The following VPS13B variants were observed in gnomAD, a reference collection of about 807,000 sequenced individuals.
VPS13B encodes the protein vacuolar protein sorting 13 homolog B.
In VPS13B, 285 loss-of-function variants were observed where a neutral mutation model predicts 426.4. The ratio of observed to expected loss-of-function variants is 0.67; its 90% CI spans 0.61 to 0.74. VPS13B has a LOEUF of 0.74. Among genes scored for constraint, VPS13B ranks in the 30% least tolerant of loss-of-function variants. VPS13B has a pLI of 0.00. For synonymous variants in VPS13B, 1,676 were observed against 1,676.4 expected (o/e 1.00, Z 0.01); for missense variants, 4,537 against 4,782.6 (o/e 0.95, Z 1.51).
chr8:99,842,824 T>C (rs942140758), intron 54 of VPS13B, among the ~76,000 whole-genome samples: 4 of 152,162 alleles, frequency 2.6e-5, no homozygotes, highest in African/African-American at 7.2e-5. Context: ...TAGAAACCAG[T>C]ATCCAGGCCT....
chr8:99,633,179 G>A (rs1488799676), intron 33 of VPS13B, among the ~76,000 whole-genome samples: 2 of 151,952 alleles, frequency 1.3e-5, no homozygotes, highest in Non-Finnish European at 1.5e-5. Context: ...GTATGATTTA[G>A]GGGATAAAGT....
intron 35 of VPS13B, chr8:99,696,150 T>C: frequency 6.1e-6 from 1 of 164,868 alleles, no homozygotes; most frequent in Non-Finnish European, 1.3e-5. Flanking sequence ...GATTTTATGG[T>C]TGCGGGACCT....
At chr8:99,085,212 C>G (rs1036536438) in intron 3 of VPS13B, among the ~76,000 whole-genome samples, 1 of 152,086 alleles carries the variant, frequency 6.6e-6, no homozygotes, top group Non-Finnish European at 1.5e-5. Flanking sequence ...ATGTAATGGC[C>G]TTCTTTGTCT....
chr8:99,196,108 G>A (rs914677596), intron 17 of VPS13B, among the ~76,000 whole-genome samples: 2 of 152,090 alleles, frequency 1.3e-5, no homozygotes, highest in African/African-American at 4.8e-5. Flanking sequence ...AATTTTGATA[G>A]GGGTCGCATT....
At chr8:99,361,955 C>T (rs911381368) in intron 19 of VPS13B, among the ~76,000 whole-genome samples, 1 of 152,046 alleles carries the variant, frequency 6.6e-6, no homozygotes, top group Non-Finnish European at 1.5e-5. Flanking sequence ...AAGAAATCTG[C>T]AGTGAAGTGA....
intron 12 of VPS13B, among the ~76,000 whole-genome samples, chr8:99,140,377 A>T (rs199535937): frequency 0.15 from 22,285 of 149,518 alleles, 2,172 homozygotes; most frequent in East Asian, 0.36. Flanking sequence ...TCAAAAAAAA[A>T]AAAAAAAAAA....
At chr8:99,705,855 T>C (rs1186840996) in intron 36 of VPS13B, among the ~76,000 whole-genome samples, 2 of 152,144 alleles carry the variant, frequency 1.3e-5, no homozygotes, top group Admixed American at 1.3e-4. Flanking sequence ...TTCTGATGTA[T>C]GTATTTCAAA....
intron 24 of VPS13B, among the ~76,000 whole-genome samples, chr8:99,478,447 G>GTTTTTTTTTTT (rs56261645): frequency 1.7e-4 from 15 of 85,770 alleles, no homozygotes; most frequent in African/African-American, 4.1e-4. Context: ...TTTTTGTTTT[G>GTTTTTTTTTTT]TTTTTTTTTT....
intron 19 of VPS13B, among the ~76,000 whole-genome samples, chr8:99,343,600 A>G (rs1288472360): frequency 6.6e-6 from 1 of 152,186 alleles, no homozygotes; most frequent in East Asian, 1.9e-4. Context: ...TAAGTTGCAG[A>G]ATACAAAATC....
At position 99,821,485 on chromosome 8, in the gene VPS13B, A is replaced by G. The variant is rs1434807560; in HGVS notation, c.9183+3A>G. The G allele has an allele frequency of 1.2e-6, 2 of 1,613,614 alleles. No homozygotes were observed. Among genetic ancestry groups the G allele is most frequent in the Non-Finnish European group, 1.7e-6 (2 of 1,179,604 alleles). Reference sequence around the variant, plus strand: ...GTGCTTTTCCAGGACATCAGAAGGTAAGATCAAAGTCTATGTGGCTGGGAG... The same window carrying G: ...GTGCTTTTCCAGGACATCAGAAGGTGAGATCAAAGTCTATGTGGCTGGGAG... On this transcript the variant is annotated splice_donor_region_variant and intron_variant, in intron 50 of 61. Transcript: ENST00000357162.
At chr8:99,271,574 C>T (rs888605537) in intron 17 of VPS13B, among the ~76,000 whole-genome samples, 5 of 152,094 alleles carry the variant, frequency 3.3e-5, no homozygotes, top group Admixed American at 1.3e-4. Context: ...TTAGTCCGTT[C>T]GCATACTGCT....
intron 37 of VPS13B, among the ~76,000 whole-genome samples, chr8:99,718,960 A>G (rs1181954438): frequency 6.6e-6 from 1 of 151,994 alleles, no homozygotes; most frequent in Admixed American, 6.6e-5. Context: ...AATTTTTTGT[A>G]TTTATCTAAA....
intron 17 of VPS13B, among the ~76,000 whole-genome samples, chr8:99,239,299 G>T (rs1816795494): frequency 6.6e-6 from 1 of 152,034 alleles, no homozygotes; most frequent in African/African-American, 2.4e-5. Flanking sequence ...TAAGTACATT[G>T]AATTAAGTGT....
chr8:99,266,856 G>A (rs184233917), intron 17 of VPS13B, among the ~76,000 whole-genome samples: 8 of 152,290 alleles, frequency 5.3e-5, no homozygotes, highest in Admixed American at 4.6e-4. Context: ...GTAGAACTGT[G>A]AGTCAATCAA....
At chr8:99,592,960 C>A (rs924943981) in intron 33 of VPS13B, among the ~76,000 whole-genome samples, 3 of 151,968 alleles carry the variant, frequency 2.0e-5, no homozygotes, top group Admixed American at 1.3e-4. Context: ...CTGTAAAAAC[C>A]CTAGAAGAAA....
intron 19 of VPS13B, among the ~76,000 whole-genome samples, chr8:99,317,773 CTT>C (rs1387314094): frequency 6.6e-5 from 10 of 152,102 alleles, no homozygotes; most frequent in African/African-American, 2.2e-4. Flanking sequence ...TGGGACTTCT[CTT>C]TGAATTGAGA....
At chr8:99,684,842 C>T (rs919388630) in intron 35 of VPS13B, among the ~76,000 whole-genome samples, 3 of 152,184 alleles carry the variant, frequency 2.0e-5, no homozygotes, top group Non-Finnish European at 4.4e-5. Context: ...CTTGCTCTGT[C>T]GCCCAGGCTG....
intron 19 of VPS13B, among the ~76,000 whole-genome samples, chr8:99,379,251 T>C (rs1350829037): frequency 6.6e-6 from 1 of 152,192 alleles, no homozygotes; most frequent in Non-Finnish European, 1.5e-5. Flanking sequence ...CCTGGTGCCA[T>C]AAAGACTGGG....
At chr8:99,825,211 A>C (rs1814605305) in intron 51 of VPS13B, among the ~76,000 whole-genome samples, 1 of 152,148 alleles carries the variant, frequency 6.6e-6, no homozygotes, top group South Asian at 2.1e-4. Flanking sequence ...AAGTGTTCCT[A>C]TTTCTCCACA....
Sources: gnomAD v4.1 joint callset for allele counts (sites outside exome capture counted in the v4.1 genomes callset) on GRCh38, gnomAD v4.1.1 for gene constraint, MANE v1.5 for transcripts, NCBI Gene and HGNC (gene_info 2026-07-23, HGNC 2026-07-21) for gene names.